Variants in NEGR1 observed in about 807,000 individuals in gnomAD.
NEGR1 encodes the protein IgLON family member 4.
A neutral mutation model predicts 40.9 loss-of-function variants in NEGR1; 10 were observed. The observed-to-expected ratio is 0.24, with a 90% CI of 0.15 to 0.42. NEGR1 has a LOEUF of 0.42. NEGR1 is among the 10% of genes least tolerant of loss of function. NEGR1 has a pLI of 1.00. For synonymous variants in NEGR1, 185 were observed against 166.8 expected, an observed-to-expected ratio of 1.11 and a Z score of -0.84; for missense variants, 352 against 438.9, an observed-to-expected ratio of 0.80 and a Z score of 1.77.
intron 2 of NEGR1, among the ~76,000 whole-genome samples, chr1:71,870,187 C>T (rs115820308): frequency 0.011 from 1,739 of 152,176 alleles, 13 homozygotes; most frequent in Non-Finnish European, 0.019. Context: ...GCCTGGATAG[C>T]TTTTATGAAG....
rs72944200 is a variant in NEGR1 at position 71,745,732 on chromosome 1, G to A, written c.535+30440C>T. Among the ~76,000 whole-genome samples the A allele has an allele frequency of 6.4e-4, 97 of 152,218 alleles. 1 individual carries two copies. In the South Asian group the frequency reaches 0.019, roughly 31 times the overall value. On this transcript the variant is annotated intron_variant, in intron 3 of 6. Transcript: ENST00000357731. ...GTCTCTCTCACCATTGCAGTGAGCC[G>A]AGATTGTGCCACTGCCCTCTAGCCT...
chr1:72,164,924 G>A (rs796674808), intron 1 of NEGR1, among the ~76,000 whole-genome samples: 3 of 152,122 alleles, frequency 2.0e-5, no homozygotes, highest in South Asian at 2.1e-4. Flanking sequence ...CAAATCAAAT[G>A]TTTGCTTTCA....
At chr1:71,928,063 CACACACATATGTACATATATGTATATAT>C (rs1557438149) in intron 2 of NEGR1, among the ~76,000 whole-genome samples, 13 of 48,522 alleles carry the variant, frequency 2.7e-4, no homozygotes, top group South Asian at 1.1e-3. Flanking sequence ...TATATATACA[CACACACATATGTACATATATGTATATAT>C]ACACACATAT....
chr1:71,554,123 G>T (rs1648174669), intron 6 of NEGR1, among the ~76,000 whole-genome samples: 1 of 151,244 alleles, frequency 6.6e-6, no homozygotes, highest in African/African-American at 2.4e-5. Context: ...AGATACTAGG[G>T]TAATTAATTA....
chr1:72,221,453 A>G (rs1019289372), intron 1 of NEGR1, among the ~76,000 whole-genome samples: 20 of 152,308 alleles, frequency 1.3e-4, no homozygotes, highest in African/African-American at 4.8e-4. Flanking sequence ...ATAAAAGTTT[A>G]TGTATTAAAT....
intron 1 of NEGR1, among the ~76,000 whole-genome samples, chr1:72,090,859 G>T (rs1446394171): frequency 6.6e-6 from 1 of 152,080 alleles, no homozygotes; most frequent in Non-Finnish European, 1.5e-5. Context: ...AAAAACAAGG[G>T]ACTAGGCCAG....
At chr1:71,492,737 T>C (rs1327261993) in intron 6 of NEGR1, among the ~76,000 whole-genome samples, 1 of 152,144 alleles carries the variant, frequency 6.6e-6, no homozygotes, top group East Asian at 1.9e-4. Context: ...TGACTTTGTT[T>C]TCAAGAATCT....
chr1:71,686,919 T>A (rs1653059463), intron 4 of NEGR1, among the ~76,000 whole-genome samples: 1 of 152,260 alleles, frequency 6.6e-6, no homozygotes, highest in East Asian at 1.9e-4. Context: ...CTCACAAAGA[T>A]GAAACAGCAT....
rs1258498137 is a variant in NEGR1 at position 72,191,766 on chromosome 1, G to GGCCTTTT, written c.176+90552_176+90553insAAAAGGC. ...ACCTAAAAAGAGCATCACAGGAGAA[G>GGCCTTTT]GTAACCTTTTGTAAGGCCATTCATA... On this transcript the variant is annotated intron_variant, in intron 1 of 6. Transcript: ENST00000357731. Among the ~76,000 whole-genome samples the GGCCTTTT allele has an allele frequency of 3.0e-3, 458 of 151,908 alleles. 3 individuals carry two copies. The highest frequency in any genetic ancestry group is 0.011 in the African/African-American group (439 of 41,508).
intron 1 of NEGR1, among the ~76,000 whole-genome samples, chr1:72,132,665 T>C (rs1650302163): frequency 6.6e-6 from 1 of 152,192 alleles, no homozygotes; most frequent in African/African-American, 2.4e-5. Context: ...TACCTACTTC[T>C]CTCTGATTTT....
intron 2 of NEGR1, among the ~76,000 whole-genome samples, chr1:71,917,873 T>C (rs1021167952): frequency 2.6e-5 from 4 of 151,626 alleles, no homozygotes; most frequent in African/African-American, 4.8e-5. Flanking sequence ...TTGAGTTAGG[T>C]TGCCTTTAAG....
chr1:71,520,217 C>T (rs1299281768), intron 6 of NEGR1, among the ~76,000 whole-genome samples: 3 of 152,052 alleles, frequency 2.0e-5, no homozygotes, highest in African/African-American at 4.8e-5. Flanking sequence ...TGATGGTTAA[C>T]TGAGATAATG....
chr1:72,097,359 T>A (rs1026676561), intron 1 of NEGR1, among the ~76,000 whole-genome samples: 1 of 152,180 alleles, frequency 6.6e-6, no homozygotes, highest in Non-Finnish European at 1.5e-5. Context: ...AAGTATTAAC[T>A]ATTGTTGTCA....
chr1:72,248,092 G>A (rs569974238), intron 1 of NEGR1, among the ~76,000 whole-genome samples: 8 of 152,176 alleles, frequency 5.3e-5, no homozygotes, highest in African/African-American at 1.9e-4. Flanking sequence ...CAAGCCATGA[G>A]GGATCCGCCT....
rs529198469 is a variant in NEGR1, at chr1:71,562,761, A to T, written c.940+30056T>A. 3.3e-5 allele frequency among the ~76,000 whole-genome samples: 5 copies of T among 152,120 alleles called. No individual in the cohort carries two copies. The South Asian group carries it at 6.2e-4, about 19-fold the overall frequency. ...CTAGGTTATTCTGTTATAACAGTCA[A>T]GGTCTAAGTGACTCCAACAATAAAA... On this transcript the variant is annotated intron_variant, in intron 6 of 6. Coordinates refer to ENST00000357731, the MANE Select transcript of NEGR1 (RefSeq NM_173808.3).
At chr1:72,130,870 A>AT (rs888201164) in intron 1 of NEGR1, among the ~76,000 whole-genome samples, 9 of 152,254 alleles carry the variant, frequency 5.9e-5, no homozygotes, top group African/African-American at 7.2e-5. Flanking sequence ...CTTTAAAAAT[A>AT]TTTTTTGGAT....
chr1:71,875,211 T>C (rs1660391052), intron 2 of NEGR1, among the ~76,000 whole-genome samples: 1 of 152,190 alleles, frequency 6.6e-6, no homozygotes. Flanking sequence ...AATAAAATGA[T>C]ACACCTTTAA....
chr1:71,991,778 T>C (rs1646454616), intron 1 of NEGR1, among the ~76,000 whole-genome samples: 1 of 151,734 alleles, frequency 6.6e-6, no homozygotes, highest in Non-Finnish European at 1.5e-5. Context: ...TGAATGAGTA[T>C]AGTATTTGTT....
Position 72,117,194 on chromosome 1 carries a change from T to C in NEGR1, c.176+165125A>G, listed in dbSNP as rs533565346. ...GAGCAACAATGGTCCATTCTTCTCA[T>C]ATACTTTAATGCACACTCCCGCAAT... On this transcript the variant is annotated intron_variant, in intron 1 of 6. Transcript: ENST00000357731. 4.6e-5 allele frequency among the ~76,000 whole-genome samples: 7 copies of C among 151,980 alleles called. No homozygotes were observed. The South Asian group carries it at 1.0e-3, about 22-fold the overall frequency.
Sources: allele counts gnomAD v4.1 joint callset (sites outside exome capture counted in the v4.1 genomes callset), GRCh38; gene constraint gnomAD v4.1.1; transcripts MANE v1.5; gene names NCBI Gene and HGNC (gene_info 2026-07-23, HGNC 2026-07-21).